Variants in DPP10 observed in about 807,000 individuals in gnomAD.
DPP10 encodes inactive dipeptidyl peptidase 10.
Under a neutral mutation model 120.9 loss-of-function variants are expected in DPP10, and 33 were observed. The observed-to-expected ratio is 0.27, with a 90% confidence interval of 0.21 to 0.37. DPP10 has a LOEUF of 0.37. DPP10 is among the 10% of genes least tolerant of loss of function. DPP10 has a pLI of 1.00. For synonymous variants in DPP10, 337 were observed against 326.1 expected (o/e 1.03, Z -0.36); for missense variants, 816 against 942.8 (o/e 0.87, Z 1.76).
intron 1 of DPP10, among the ~76,000 whole-genome samples, chr2:115,021,200 C>G (rs1559002070): frequency 6.6e-6 from 1 of 151,504 alleles, no homozygotes; most frequent in Non-Finnish European, 1.5e-5. Context: ...AAACAAACAA[C>G]AACAACAAAA....
intron 5 of DPP10, among the ~76,000 whole-genome samples, chr2:115,553,269 A>G (rs1227194620): frequency 1.3e-5 from 2 of 152,068 alleles, no homozygotes; most frequent in African/African-American, 4.8e-5. Flanking sequence ...ACACCATAAC[A>G]TTACCATAAA....
intron 7 of DPP10, among the ~76,000 whole-genome samples, chr2:115,719,509 C>T (rs762090313): frequency 1.1e-4 from 17 of 152,058 alleles, no homozygotes; most frequent in Non-Finnish European, 1.6e-4. Context: ...TGCTTTATAA[C>T]CAACAGAGAG....
At chr2:114,590,587 A>G (rs910861206) in intron 1 of DPP10, among the ~76,000 whole-genome samples, 34 of 152,306 alleles carry the variant, frequency 2.2e-4, no homozygotes, top group African/African-American at 8.2e-4. Context: ...TCTGCTTTGT[A>G]ATGTTTGTCA....
At chr2:114,776,058 A>G (rs975863247) in intron 1 of DPP10, among the ~76,000 whole-genome samples, 10 of 152,186 alleles carry the variant, frequency 6.6e-5, no homozygotes, top group African/African-American at 2.4e-4. Context: ...CTTCCCAGAG[A>G]TGGTGAAAAA....
intron 1 of DPP10, among the ~76,000 whole-genome samples, chr2:115,292,297 T>C (rs2060690073): frequency 6.6e-6 from 1 of 152,162 alleles, no homozygotes; most frequent in Non-Finnish European, 1.5e-5. Flanking sequence ...GTCATTTTTA[T>C]TTATAATGCA....
intron 5 of DPP10, among the ~76,000 whole-genome samples, chr2:115,542,215 T>C (rs1393268189): frequency 6.6e-6 from 1 of 151,924 alleles, no homozygotes; most frequent in Non-Finnish European, 1.5e-5. Flanking sequence ...CGAAAATCTC[T>C]TTTGCTTCCC....
chr2:114,594,937 C>T (rs1177027054), intron 1 of DPP10, among the ~76,000 whole-genome samples: 3 of 151,990 alleles, frequency 2.0e-5, no homozygotes, highest in Non-Finnish European at 4.4e-5. Flanking sequence ...CTCTCTCTGT[C>T]TCCCCCAGCC....
intron 1 of DPP10, among the ~76,000 whole-genome samples, chr2:114,603,356 C>A (rs376427032): frequency 5.3e-5 from 8 of 152,044 alleles, no homozygotes; most frequent in Admixed American, 3.3e-4. Context: ...GGCAGCATTG[C>A]AACTCATGAT....
chr2:115,805,253 G>A (rs1685789916), intron 19 of DPP10, among the ~76,000 whole-genome samples: 1 of 152,170 alleles, frequency 6.6e-6, no homozygotes, highest in Non-Finnish European at 1.5e-5. Flanking sequence ...TAATCTCCTG[G>A]TGCACCGTTT....
intron 1 of DPP10, among the ~76,000 whole-genome samples, chr2:115,209,440 A>T (rs369596950): frequency 8.2e-4 from 125 of 152,300 alleles, no homozygotes; most frequent in African/African-American, 2.8e-3. Context: ...ATACACATAC[A>T]TGCTATGAAA....
intron 7 of DPP10, among the ~76,000 whole-genome samples, chr2:115,715,443 A>T (rs4849421): frequency 0.64 from 96,731 of 151,424 alleles, 32,841 homozygotes; most frequent in East Asian, 0.91. Flanking sequence ...CCTTTTTTTG[A>T]CCCTCCCATC....
chr2:115,125,375 T>G (rs1473637186), intron 1 of DPP10, among the ~76,000 whole-genome samples: 1 of 152,140 alleles, frequency 6.6e-6, no homozygotes, highest in Admixed American at 6.6e-5. Flanking sequence ...TCTTGGTTGG[T>G]GCTGTAAAAC....
chr2:114,673,056 T>G (rs1250094509), intron 1 of DPP10, among the ~76,000 whole-genome samples: 2 of 152,164 alleles, frequency 1.3e-5, no homozygotes, highest in African/African-American at 4.8e-5. Context: ...GACTGTGATT[T>G]GAGTATTGTA....
chr2:114,703,400 C>T (rs1248254258), intron 1 of DPP10, among the ~76,000 whole-genome samples: 1 of 152,102 alleles, frequency 6.6e-6, no homozygotes, highest in East Asian at 1.9e-4. Flanking sequence ...TACAATACAT[C>T]TTAATAAAAA....
At chr2:114,585,371 C>T (rs951241709) in intron 1 of DPP10, among the ~76,000 whole-genome samples, 2 of 152,208 alleles carry the variant, frequency 1.3e-5, no homozygotes, top group African/African-American at 4.8e-5. Flanking sequence ...CTTTGATTGA[C>T]TTATCTGTGA....
chr2:115,641,539 T>C (rs2086780818), intron 5 of DPP10, among the ~76,000 whole-genome samples: 1 of 152,192 alleles, frequency 6.6e-6, no homozygotes, highest in Admixed American at 6.5e-5. Flanking sequence ...CCCTCTATCC[T>C]AGTATCCTGT....
intron 1 of DPP10, among the ~76,000 whole-genome samples, chr2:114,865,757 A>C (rs1690175159): frequency 6.6e-6 from 1 of 152,160 alleles, no homozygotes; most frequent in Admixed American, 6.5e-5. Context: ...AGTAATACTT[A>C]ACCAGGGTAA....
intron 3 of DPP10, among the ~76,000 whole-genome samples, chr2:115,436,272 A>G (rs1274013290): frequency 6.6e-6 from 1 of 151,850 alleles, no homozygotes; most frequent in African/African-American, 2.4e-5. Flanking sequence ...TGTGTTTGTC[A>G]TCTCATATAA....
chr2:114,677,583 C>T lies in DPP10; in HGVS notation c.60+234745C>T, dbSNP rs552675462. Among the ~76,000 whole-genome samples, 8 of 152,202 alleles carry T rather than the reference C, an allele frequency of 5.3e-5. No homozygotes were observed. The South Asian group carries it at 6.2e-4, about 12-fold the overall frequency. Reference sequence around the variant, plus strand: ...GTCCACTGAATTATTATCTTCCACACGTTACAGATGAAGAAACTGACAAGC... The same window carrying T: ...GTCCACTGAATTATTATCTTCCACATGTTACAGATGAAGAAACTGACAAGC... On this transcript the variant is annotated intron_variant, in intron 1 of 25. Coordinates refer to ENST00000410059, the MANE Select transcript of DPP10 (RefSeq NM_020868.6).
Sources: allele counts gnomAD v4.1 joint callset (sites outside exome capture counted in the v4.1 genomes callset), GRCh38; gene constraint gnomAD v4.1.1; transcripts MANE v1.5; gene names NCBI Gene and HGNC (gene_info 2026-07-23, HGNC 2026-07-21).